The following DONSON variants were observed in gnomAD, a reference collection of about 807,000 sequenced individuals.
DONSON encodes DNA replication fork stabilization factor DONSON, also known as protein downstream neighbor of Son.
In DONSON, 43 loss-of-function variants were observed where a neutral mutation model predicts 62.1. The ratio of observed to expected loss-of-function variants is 0.69; its 90% CI spans 0.54 to 0.89. The LOEUF is 0.89. Among genes scored for constraint, DONSON ranks in the 40% least tolerant of loss-of-function variants. DONSON has a pLI of 0.00. For missense variants in DONSON, 696 were observed against 697.5 expected (o/e 1.00, Z 0.03); for synonymous variants, 266 against 264.6 (o/e 1.01, Z -0.05).
At position 33,581,487 on chromosome 21, in the gene DONSON, GTTTCTCTT is replaced by G. The variant is rs758411809; in HGVS notation, c.1157_1164del (p.Lys386ThrfsTer2). On this transcript the variant is annotated frameshift_variant, in exon 8 of 10. Coordinates refer to ENST00000303071, the MANE Select transcript of DONSON (RefSeq NM_017613.4). LOFTEE classifies it high-confidence loss of function. ...GGTCTGTGATCCATTTGTACTTCATGTTTCTCTTTACGCCTGAAGATGACAATCAAGGA... is the reference window on the plus strand; with the variant it reads ...GGTCTGTGATCCATTTGTACTTCATGTACGCCTGAAGATGACAATCAAGGA... 2 of 1,613,070 alleles carry G rather than the reference GTTTCTCTT, an allele frequency of 1.2e-6. No individual in the cohort carries two copies. Among genetic ancestry groups the G allele is most frequent in the East Asian group, 4.5e-5 (2 of 44,844 alleles).
At chr21:33,580,143 C>T (rs553490141) in intron 8 of DONSON, among the ~76,000 whole-genome samples, 9 of 151,978 alleles carry the variant, frequency 5.9e-5, no homozygotes, top group African/African-American at 1.9e-4. Context: ...GTTGAAGAAT[C>T]GCTTGAGCCC....
intron 8 of DONSON, chr21:33,581,065 A>T (rs2086503277): frequency 2.7e-6 from 1 of 376,668 alleles, no homozygotes; most frequent in East Asian, 4.9e-5. Context: ...CCTGGATAGC[A>T]GCGCAAGACT....
intron 5 of DONSON, among the ~76,000 whole-genome samples, chr21:33,582,664 G>A (rs1031450340): frequency 6.6e-6 from 1 of 152,170 alleles, no homozygotes; most frequent in African/African-American, 2.4e-5. Flanking sequence ...TTAGAGATCA[G>A]AGAACACTAT....
rs2086609465 is a variant in DONSON, at chr21:33,588,540, G to T, written c.102C>A (p.Ser34=). ...KRARSRGAAA[S]PPRELTEPAA... ...CCGGCTCCGTCAGCTCACGGGGCGGGGAGGCGGCAGCTCCACGGCTCCGGG... is the reference window on the plus strand; with the variant it reads ...CCGGCTCCGTCAGCTCACGGGGCGGTGAGGCGGCAGCTCCACGGCTCCGGG... Residue 34 remains serine, a synonymous_variant, in exon 1 of 10, where the codon TCC becomes TCA. Transcript: ENST00000303071. 8.0e-7 allele frequency: 1 copy of T among 1,250,854 alleles called. No individual in the cohort carries two copies. Among genetic ancestry groups the T allele is most frequent in the Non-Finnish European group, 1.0e-6 (1 of 998,196 alleles). 77.5% of individuals were successfully genotyped at this position (1,250,854 alleles called of 1,614,324 possible). A position where few individuals can be genotyped will look rare whatever the true frequency, so the allele number is the denominator to read the frequency against.
chr21:33,584,536 C>A, intron 4 of DONSON, 54 bp downstream of exon 4: 1 of 1,446,638 alleles, frequency 6.9e-7, no homozygotes, highest in Non-Finnish European at 9.3e-7. Flanking sequence ...ATAGAGAATG[C>A]TGCTAAAATA....
At chr21:33,579,262 T>C in intron 9 of DONSON, 88 bp downstream of exon 9, 3 of 970,820 alleles carry the variant, frequency 3.1e-6, no homozygotes, top group Non-Finnish European at 4.5e-6. Context: ...TGAAACACAA[T>C]AGTGACTCAG....
At position 33,585,900 on chromosome 21, in the gene DONSON, C is replaced by T. The variant is rs2086571797; in HGVS notation, c.606+78G>A. The T allele has an allele frequency of 1.1e-5, 15 of 1,332,264 alleles. No individual in the cohort carries two copies. The Admixed American group carries it at 2.7e-4, about 24-fold the overall frequency. The allele number at this position is 1,332,264 out of a possible 1,614,324, so 82.5% of individuals were successfully genotyped here. ...CAAAGAAAAACTTAATGGAAGGCAG[C>T]ATCTGCTATTTTGCAAAGGAGAGCA... On this transcript the variant is annotated intron_variant, in intron 3 of 9. Transcript: ENST00000303071.
intron 8 of DONSON, 122 bp downstream of exon 8, chr21:33,581,180 G>T: frequency 2.3e-6 from 2 of 886,712 alleles, no homozygotes; most frequent in African/African-American, 1.7e-5. Context: ...TTTTTAATGG[G>T]AGGAAAGCAA....
chr21:33,588,324 G>A lies in DONSON; in HGVS notation c.318C>T (p.Val106=). Residue 106 remains valine, a synonymous_variant, in exon 1 of 10, where the codon GTC becomes GTT. Coordinates refer to ENST00000303071, the MANE Select transcript of DONSON (RefSeq NM_017613.4). The part of the protein sequence containing the change: ...GPAREQPEAP[V]PFLDSNQEND... ...GGCCAGGCTACAAGACACTCACCGG[G>A]ACCGGGGCCTCCGGCTGCTCGCGGG... The A allele has an allele frequency of 7.8e-7, 1 of 1,289,028 alleles. No homozygotes were observed. The highest frequency in any genetic ancestry group is 2.9e-5 in the South Asian group (1 of 34,132). 79.8% of individuals were successfully genotyped at this position (1,289,028 alleles called of 1,614,324 possible). A position where few individuals can be genotyped will look rare whatever the true frequency, so the allele number is the denominator to read the frequency against.
Position 33,584,723 on chromosome 21 carries a change from G to T in DONSON, c.652C>A (p.Leu218Ile). ...AAAGCAGGGTGGAGCCAATAGATAA[G>T]GCTCTGCTGGAAGGTACAACGGAGC... Reference protein sequence around the residue: ...SELRCTFQQSLIYWLHPALSW... With the variant: ...SELRCTFQQSIIYWLHPALSW... The change falls in exon 4 of 10, where the codon CTT (leucine) becomes ATT (isoleucine). Residue 218 changes from leucine (L) to isoleucine (I), a missense_variant. By Grantham distance (5) the Leu-to-Ile change is conservative. Transcript: ENST00000303071. The T allele has an allele frequency of 1.2e-6, 2 of 1,611,214 alleles. No homozygotes were observed. The highest frequency in any genetic ancestry group is 2.2e-5 in the South Asian group (2 of 90,750).
At chr21:33,586,293 TAATA>T in intron 2 of DONSON, 112 bp from the exon 3 acceptor site, 1 of 878,308 alleles carries the variant, frequency 1.1e-6, no homozygotes, top group Admixed American at 2.5e-5. Flanking sequence ...ATAAGCTGTA[TAATA>T]AATAACATGA....
chr21:33,582,222 A>C lies in DONSON; in HGVS notation c.989T>G (p.Ile330Arg), dbSNP rs775130920. The change falls in exon 6 of 10, where the codon ATA becomes AGA. Residue 330 changes from isoleucine (I) to arginine (R), a missense_variant. Ile to Arg is a moderately conservative substitution (Grantham distance 97). Coordinates refer to ENST00000303071, the MANE Select transcript of DONSON (RefSeq NM_017613.4). ...CTCCTTCTTATGGCCACTTTCTTTT[A>C]TTAAAGGCAGAGAAAATTCAATACC... ...NEGIEFSLPL[I>R]KESGHKKETA... 1 of 1,613,856 alleles carries C rather than the reference A, an allele frequency of 6.2e-7. No individual in the cohort carries two copies. Among genetic ancestry groups the C allele is most frequent in the Non-Finnish European group, 8.5e-7 (1 of 1,179,954 alleles).
intron 2 of DONSON, 51 bp downstream of exon 2, chr21:33,587,471 A>T: frequency 1.3e-6 from 2 of 1,510,624 alleles, no homozygotes; most frequent in Non-Finnish European, 1.8e-6. Flanking sequence ...AAATCCTATG[A>T]AAAAAAAGTT....
rs1290799605 is a variant in DONSON, at chr21:33,578,458, T to A, written c.1564-14A>T. Reference sequence around the variant, plus strand: ...ATGAACAACCTCCTGTGGAAATGTGTGTACAAGTCAGTAAAAAGCACATTA... The same window carrying A: ...ATGAACAACCTCCTGTGGAAATGTGAGTACAAGTCAGTAAAAAGCACATTA... On this transcript the variant is annotated splice_polypyrimidine_tract_variant and intron_variant, in intron 9 of 9. Coordinates refer to ENST00000303071, the MANE Select transcript of DONSON (RefSeq NM_017613.4). 4.4e-6 allele frequency: 7 copies of A among 1,606,328 alleles called. No individual in the cohort carries two copies. The highest frequency in any genetic ancestry group is 6.0e-6 in the Non-Finnish European group (7 of 1,176,168).
chr21:33,582,052 C>G lies in DONSON; in HGVS notation c.1050G>C (p.Glu350Asp). 6.2e-7 allele frequency: 1 copy of G among 1,614,094 alleles called. No homozygotes were observed. ...CTTCATCCTCATCACTGATGGCTTG[C>G]TCCCTAGGAAATTGCTACAGTTAGA... Reference protein sequence around the residue: ...ASGTSLGYGEEQAISDEDEEE... With the variant: ...ASGTSLGYGEDQAISDEDEEE... The change falls in exon 7 of 10, where the codon GAG (glutamate) becomes GAC (aspartate). Residue 350 changes from glutamate (E) to aspartate (D), a missense_variant. Glu to Asp is a conservative substitution (Grantham distance 45). Transcript: ENST00000303071.
At chr21:33,585,498 C>A (rs2086567999) in intron 3 of DONSON, among the ~76,000 whole-genome samples, 1 of 149,360 alleles carries the variant, frequency 6.7e-6, no homozygotes, top group Admixed American at 6.8e-5. Flanking sequence ...CAGGCATGGG[C>A]TATTGTGCCC....
intron 2 of DONSON, chr21:33,587,277 C>T (rs1404177845): frequency 2.5e-6 from 2 of 805,770 alleles, no homozygotes; most frequent in South Asian, 1.1e-4. Context: ...AAAACCCCCA[C>T]GTCTATCAGG....
At position 33,577,674 on chromosome 21, in the gene DONSON, CACACACACACACACA is replaced by C. The variant is rs1569073118; in HGVS notation, c.*618_*632del. 4.5e-4 allele frequency: 46 copies of C among 103,266 alleles called. 1 individual carries two copies. Among genetic ancestry groups the C allele is most frequent in the African/African-American group, 1.7e-3 (39 of 22,546 alleles). 6.4% of individuals were successfully genotyped at this position (103,266 alleles called of 1,614,324 possible). The stretch of plus-strand genomic sequence containing the variant: ...ACACACACACACACACACACACACA[CACACACACACACACA>C]CACACACACACACCCCTATAAGCAC... On this transcript the variant is annotated 3_prime_UTR_variant, in exon 10 of 10. Coordinates refer to ENST00000303071, the MANE Select transcript of DONSON (RefSeq NM_017613.4).
intron 2 of DONSON, 36 bp downstream of exon 2, chr21:33,587,486 C>T: frequency 1.3e-6 from 2 of 1,537,160 alleles, no homozygotes; most frequent in Non-Finnish European, 1.7e-6. Context: ...AAAGTTTATA[C>T]AAATACACAT....
Sources: allele counts gnomAD v4.1 joint callset (sites outside exome capture counted in the v4.1 genomes callset), GRCh38; gene constraint gnomAD v4.1.1; transcripts MANE v1.5; gene names NCBI Gene and HGNC (gene_info 2026-07-23, HGNC 2026-07-21).